Variants in LPIN2 observed in about 807,000 individuals in gnomAD.
The protein encoded by LPIN2 is lipin 2, also known as phosphatidate phosphatase LPIN2.
Under a neutral mutation model 111.4 loss-of-function variants are expected in LPIN2, and 55 were observed. That is an observed-to-expected ratio of 0.49 (90% confidence interval 0.40 to 0.62). The LOEUF (loss-of-function observed/expected upper bound fraction) is 0.62, where lower values mean the gene tolerates loss of function less well. Among genes scored for constraint, LPIN2 ranks in the 20% least tolerant of loss-of-function variants. LPIN2 has a pLI of 0.00. For missense variants in LPIN2, 992 were observed against 1,112.1 expected (o/e 0.89, Z 1.54); for synonymous variants, 425 against 414.0 (o/e 1.03, Z -0.32).
intron 1 of LPIN2, among the ~76,000 whole-genome samples, chr18:2,997,377 TCAGCC>T (rs2078362028): frequency 2.4e-5 from 3 of 123,532 alleles, no homozygotes; most frequent in Non-Finnish European, 5.9e-5. Context: ...TCCACCCTCC[TCAGCC>T]TCCCAAAGTG....
chr18:2,929,257 ATC>A (rs2077180450), intron 9 of LPIN2, 99 bp from the exon 10 acceptor site: 2 of 839,356 alleles, frequency 2.4e-6, no homozygotes, highest in Admixed American at 2.1e-5. Context: ...GGCTAAAATC[ATC>A]TGTCTAAAAA....
At chr18:2,957,017 A>C (rs2077624938) in intron 2 of LPIN2, among the ~76,000 whole-genome samples, 1 of 152,238 alleles carries the variant, frequency 6.6e-6, no homozygotes, top group Non-Finnish European at 1.5e-5. Flanking sequence ...TAAAAAGGAC[A>C]CTAATTTGAT....
intron 1 of LPIN2, among the ~76,000 whole-genome samples, chr18:2,995,998 C>T (rs1451307924): frequency 6.6e-6 from 1 of 152,146 alleles, no homozygotes; most frequent in Non-Finnish European, 1.5e-5. Flanking sequence ...GAGGACAAAA[C>T]TGAAGAATTA....
chr18:2,988,769 G>C (rs610810), intron 1 of LPIN2, among the ~76,000 whole-genome samples: 1 of 152,160 alleles, frequency 6.6e-6, no homozygotes, highest in East Asian at 1.9e-4. Flanking sequence ...GTTGCAACAT[G>C]AGAAGAAATG....
At chr18:2,971,450 C>T (rs1371092612) in intron 1 of LPIN2, among the ~76,000 whole-genome samples, 3 of 152,158 alleles carry the variant, frequency 2.0e-5, no homozygotes, top group Non-Finnish European at 4.4e-5. Flanking sequence ...CCACAGCACC[C>T]ACCACGCGGC....
chr18:3,001,422 A>C (rs1473650145), intron 1 of LPIN2, among the ~76,000 whole-genome samples: 1 of 22,844 alleles, frequency 4.4e-5, no homozygotes, highest in Non-Finnish European at 4.3e-4. Flanking sequence ...TTGAACTGGC[A>C]AAGAAATAAA....
At chr18:2,955,647 G>A (rs1314794575) in intron 2 of LPIN2, among the ~76,000 whole-genome samples, 11 of 152,262 alleles carry the variant, frequency 7.2e-5, no homozygotes, top group Non-Finnish European at 2.9e-5. Context: ...CGGGTGCAGT[G>A]GCTCATGCTT....
intron 4 of LPIN2, chr18:2,946,840 G>T: frequency 2.9e-6 from 1 of 340,234 alleles, no homozygotes; most frequent in Non-Finnish European, 5.5e-6. Context: ...ACGAGTCAAC[G>T]AATTTCAGCG....
At chr18:2,921,465 T>C in intron 18 of LPIN2, 68 bp downstream of exon 18, 1 of 1,170,456 alleles carries the variant, frequency 8.5e-7, no homozygotes, top group Middle Eastern at 1.9e-4. Flanking sequence ...GGGACGTGGC[T>C]ACACCCCACG....
At chr18:2,970,319 A>AC (rs1217140355) in intron 1 of LPIN2, among the ~76,000 whole-genome samples, 1 of 152,188 alleles carries the variant, frequency 6.6e-6, no homozygotes, top group Non-Finnish European at 1.5e-5. Flanking sequence ...ATAATACGGG[A>AC]CCCAGGTCTT....
At chr18:2,964,851 C>A (rs2077768991) in intron 1 of LPIN2, among the ~76,000 whole-genome samples, 1 of 152,206 alleles carries the variant, frequency 6.6e-6, no homozygotes, top group Non-Finnish European at 1.5e-5. Context: ...GAAACCACAA[C>A]ACACCAAAGA....
In LPIN2 at chr18:2,921,565, G is replaced by T. The variant is rs1290776094; in HGVS notation, c.2410C>A (p.Pro804Thr). The change falls in exon 18 of 20, where the codon CCC becomes ACC. Residue 804 changes from proline (P) to threonine (T), a missense_variant. By Grantham distance (38) the Pro-to-Thr change is conservative. Coordinates refer to ENST00000677752, the MANE Select transcript of LPIN2 (RefSeq NM_001375808.2). Reference protein sequence around the residue: ...IKNLFAPSKQPFYAAFGNRPN... With the variant: ...IKNLFAPSKQTFYAAFGNRPN... Reference sequence around the variant, plus strand: ...CGGTTTCCAAAGGCAGCATAGAAGGGCTGCTTAGACGGGGCAAACAGATTC... The same window carrying T: ...CGGTTTCCAAAGGCAGCATAGAAGGTCTGCTTAGACGGGGCAAACAGATTC... 1.9e-6 allele frequency: 3 copies of T among 1,614,070 alleles called. No individual in the cohort carries two copies. Among genetic ancestry groups the T allele is most frequent in the Non-Finnish European group, 2.5e-6 (3 of 1,179,948 alleles).
chr18:2,951,973 G>A (rs2077544594), intron 3 of LPIN2, among the ~76,000 whole-genome samples: 1 of 152,132 alleles, frequency 6.6e-6, no homozygotes, highest in Non-Finnish European at 1.5e-5. Context: ...CTTCCTGTAG[G>A]AATTCAAAAG....
intron 1 of LPIN2, among the ~76,000 whole-genome samples, chr18:2,994,726 G>A (rs751960340): frequency 6.6e-6 from 1 of 152,176 alleles, no homozygotes; most frequent in Non-Finnish European, 1.5e-5. Flanking sequence ...CCAACCACCA[G>A]ATGCCAGTAG....
At chr18:2,979,572 T>C (rs2078075282) in intron 1 of LPIN2, among the ~76,000 whole-genome samples, 1 of 152,124 alleles carries the variant, frequency 6.6e-6, no homozygotes, top group Non-Finnish European at 1.5e-5. Flanking sequence ...GGCTTAGCTA[T>C]GCAATATACA....
chr18:2,976,599 T>G (rs922957934), intron 1 of LPIN2, among the ~76,000 whole-genome samples: 1 of 152,248 alleles, frequency 6.6e-6, no homozygotes, highest in African/African-American at 2.4e-5. Context: ...ACAGCTTCCC[T>G]GGGCATTCAA....
chr18:2,989,050 G>A (rs1381690406), intron 1 of LPIN2, among the ~76,000 whole-genome samples: 3 of 152,094 alleles, frequency 2.0e-5, no homozygotes, highest in Non-Finnish European at 4.4e-5. Context: ...TTTACTCTAA[G>A]CCATACCCTG....
At chr18:2,927,273 C>G (rs893635049) in intron 12 of LPIN2, among the ~76,000 whole-genome samples, 1 of 152,192 alleles carries the variant, frequency 6.6e-6, no homozygotes, top group Non-Finnish European at 1.5e-5. Context: ...AAGACTTGCT[C>G]TGCTGCTTGT....
rs1398300733 is a variant in LPIN2, at chr18:2,934,366, A to C, written c.1253T>G (p.Leu418Arg). The C allele has an allele frequency of 6.2e-7, 1 of 1,611,756 alleles. No homozygotes were observed. The highest frequency in any genetic ancestry group is 2.2e-5 in the East Asian group (1 of 44,842). Residue 418 changes from leucine (L) to arginine (R), a missense_variant, in exon 8 of 20, where the codon CTT becomes CGT. This residue lies in a region of LPIN2 where 709 missense variants were observed against 753.2 expected (regional missense o/e 0.94). Transcript: ENST00000677752. ...ACCACTCTACCTTTTAGGGAAATAA[A>C]GAGCTGCAACTTCAGGTTCTAGACC... ...LKGLEPEVAA[L>R]YFPKSESEPG...
Sources: allele counts gnomAD v4.1 joint callset (sites outside exome capture counted in the v4.1 genomes callset), GRCh38; gene constraint gnomAD v4.1.1; regional missense constraint gnomAD v4.1.1; transcripts MANE v1.5; gene names NCBI Gene and HGNC (gene_info 2026-07-23, HGNC 2026-07-21).